The following USP33 variants were observed in gnomAD, a reference collection of about 807,000 sequenced individuals.
USP33 encodes the protein ubiquitin specific peptidase 33.
A neutral mutation model predicts 124.2 loss-of-function variants in USP33; 46 were observed. The ratio of observed to expected loss-of-function variants is 0.37; its 90% CI spans 0.29 to 0.47. The LOEUF is 0.47. USP33 is among the 20% of genes least tolerant of loss of function. The pLI, the probability that USP33 is intolerant of heterozygous loss-of-function variation, is 0.99. For synonymous variants in USP33, 350 were observed against 352.3 expected (o/e 0.99, Z 0.07); for missense variants, 851 against 1,070.6 (o/e 0.79, Z 2.86).
chr1:77,724,344 T>C (rs1240770256), intron 11 of USP33, among the ~76,000 whole-genome samples: 1 of 152,228 alleles, frequency 6.6e-6, no homozygotes, highest in Non-Finnish European at 1.5e-5. Context: ...TATAAATACA[T>C]CCAACCTTAT....
intron 6 of USP33, among the ~76,000 whole-genome samples, 170 bp from the exon 7 acceptor site, chr1:77,734,586 T>G (rs1257221295): frequency 1.3e-5 from 2 of 152,152 alleles, no homozygotes; most frequent in Non-Finnish European, 2.9e-5. Context: ...TCACCAAAAT[T>G]TTGAGTTTTA....
rs1676632002 is a variant in USP33 at position 77,722,132 on chromosome 1, G to A, written c.1454C>T (p.Ala485Val). 8 of 1,614,038 alleles carry A rather than the reference G, an allele frequency of 5.0e-6. No homozygotes were observed. Among genetic ancestry groups the A allele is most frequent in the Non-Finnish European group, 6.8e-6 (8 of 1,179,932 alleles). The change falls in exon 13 of 24, where the codon GCT becomes GTT. Residue 485 changes from alanine to valine, a missense_variant. This residue lies in a region of USP33 where 281 missense variants were observed against 425.0 expected (regional missense o/e 0.66). Coordinates refer to ENST00000370794, the MANE Select transcript of USP33 (RefSeq NM_201624.3). Reference sequence around the variant, plus strand: ...TGGATGACTTGATGAATGCAGCTTAGCAAGGTCTTCCTTGCCAGGAATTGG... The same window carrying A: ...TGGATGACTTGATGAATGCAGCTTAACAAGGTCTTCCTTGCCAGGAATTGG... Reference protein sequence around the residue: ...SLPIPGKEDLAKLHSSSHPTS... With the variant: ...SLPIPGKEDLVKLHSSSHPTS...
intron 7 of USP33, 77 bp from the exon 8 acceptor site, chr1:77,730,808 C>T: frequency 1.1e-6 from 1 of 897,092 alleles, no homozygotes; most frequent in Middle Eastern, 2.4e-4. Flanking sequence ...AATTAACTGA[C>T]AACACATACA....
intron 1 of USP33, among the ~76,000 whole-genome samples, chr1:77,753,620 G>C (rs954813385): frequency 6.6e-6 from 1 of 151,810 alleles, no homozygotes; most frequent in African/African-American, 2.4e-5. Flanking sequence ...TTTGAAAACT[G>C]TATCTTATAA....
rs114060151 is a variant in USP33, at chr1:77,709,300, G to A, written c.2406+2447C>T. Reference sequence around the variant, plus strand: ...GAGGCAGGAAAATCACTTGAGGCCAGGAATTAGAGACCAGCCTGAGCAAGA... The same window carrying A: ...GAGGCAGGAAAATCACTTGAGGCCAAGAATTAGAGACCAGCCTGAGCAAGA... On this transcript the variant is annotated intron_variant, in intron 21 of 23. Coordinates refer to ENST00000370794, the MANE Select transcript of USP33 (RefSeq NM_201624.3). Among the ~76,000 whole-genome samples the A allele has an allele frequency of 5.4e-3, 815 of 152,216 alleles. 10 individuals carry two copies. The highest frequency in any genetic ancestry group is 0.018 in the African/African-American group (757 of 41,514).
At chr1:77,747,609 TTATTAACTTTC>T (rs1679875313) in intron 1 of USP33, among the ~76,000 whole-genome samples, 1 of 152,206 alleles carries the variant, frequency 6.6e-6, no homozygotes. Context: ...GCCAATACTG[TTATTAACTTTC>T]TTATGGTATC....
chr1:77,735,619 C>T (rs914011430), intron 6 of USP33, among the ~76,000 whole-genome samples: 1 of 152,048 alleles, frequency 6.6e-6, no homozygotes, highest in Non-Finnish European at 1.5e-5. Flanking sequence ...AACAGTGGGC[C>T]TAAAAGAATA....
chr1:77,709,857 T>C (rs747443994), intron 21 of USP33, among the ~76,000 whole-genome samples: 2 of 148,862 alleles, frequency 1.3e-5, no homozygotes, highest in Non-Finnish European at 3.0e-5. Context: ...TTAAGAAATA[T>C]CAAGTTTCTA....
chr1:77,746,625 C>T (rs1391478884), intron 1 of USP33: 1 of 152,128 alleles, frequency 6.6e-6, no homozygotes, highest in Non-Finnish European at 1.5e-5. Context: ...ATGCAAAAAT[C>T]CTCAATAAAA....
chr1:77,715,684 C>A, intron 18 of USP33, 58 bp downstream of exon 18: 2 of 1,578,664 alleles, frequency 1.3e-6, no homozygotes, highest in South Asian at 1.2e-5. Context: ...TCTTAGAAGT[C>A]ACTGATAAGC....
At chr1:77,754,057 T>C (rs1680585037) in intron 1 of USP33, among the ~76,000 whole-genome samples, 1 of 152,130 alleles carries the variant, frequency 6.6e-6, no homozygotes, top group South Asian at 2.1e-4. Context: ...GCATATTCAA[T>C]CAACGGTGAA....
At chr1:77,754,605 C>A (rs566400833) in intron 1 of USP33, among the ~76,000 whole-genome samples, 15 of 152,320 alleles carry the variant, frequency 9.8e-5, no homozygotes, top group African/African-American at 3.6e-4. Context: ...GAAGATCCCA[C>A]AAAGTCCTAT....
chr1:77,697,533 G>A lies in USP33; in HGVS notation c.2579-59C>T, dbSNP rs144142740. ...ACCTATATATTCATATTGCAAAAGCGTTCATAATGTACCCCCCAGCATGAA... is the reference window on the plus strand; with the variant it reads ...ACCTATATATTCATATTGCAAAAGCATTCATAATGTACCCCCCAGCATGAA... On this transcript the variant is annotated intron_variant, in intron 23 of 23. Coordinates refer to ENST00000370794, the MANE Select transcript of USP33 (RefSeq NM_201624.3). 2.4e-4 allele frequency: 367 copies of A among 1,510,584 alleles called. No homozygotes were observed. In the African/African-American group the frequency reaches 3.9e-3, roughly 16 times the overall value. 93.6% of individuals were successfully genotyped at this position (1,510,584 alleles called of 1,614,324 possible).
intron 6 of USP33, among the ~76,000 whole-genome samples, chr1:77,735,843 A>C (rs996020204): frequency 1.3e-5 from 2 of 152,244 alleles, no homozygotes; most frequent in Non-Finnish European, 2.9e-5. Flanking sequence ...CTCAACTGCA[A>C]AAGAGTAAGT....
At chr1:77,732,395 C>T (rs1677925673) in intron 7 of USP33, among the ~76,000 whole-genome samples, 1 of 152,136 alleles carries the variant, frequency 6.6e-6, no homozygotes, top group African/African-American at 2.4e-5. Context: ...ACCACTACTT[C>T]TTGCCTAAAT....
At chr1:77,721,803 A>G (rs200015360) in intron 14 of USP33, 28 bp downstream of exon 14, 1 of 1,578,260 alleles carries the variant, frequency 6.3e-7, no homozygotes, top group African/African-American at 1.4e-5. Flanking sequence ...ACCTACAAAA[A>G]TTTAGCCATA....
At position 77,741,433 on chromosome 1, in the gene USP33, TA is replaced by T; in HGVS notation, c.82-5del. ...CTTTACAATCCTGACAAGTACCCTA[TA>T]AAAAGAAATTAAAAAGACAACATTG... On this transcript the variant is annotated splice_polypyrimidine_tract_variant and splice_region_variant and intron_variant, in intron 2 of 23. Coordinates refer to ENST00000370794, the MANE Select transcript of USP33 (RefSeq NM_201624.3). 1 of 1,605,860 alleles carries T rather than the reference TA, an allele frequency of 6.2e-7. No homozygotes were observed. The highest frequency in any genetic ancestry group is 8.5e-7 in the Non-Finnish European group (1 of 1,178,036).
intron 7 of USP33, among the ~76,000 whole-genome samples, chr1:77,733,552 G>C (rs527811717): frequency 2.6e-4 from 39 of 152,232 alleles, no homozygotes; most frequent in African/African-American, 8.7e-4. Flanking sequence ...TAGATTATTT[G>C]GGGAAGAAGT....
At chr1:77,700,929 C>T (rs377218964) in intron 22 of USP33, among the ~76,000 whole-genome samples, 11 of 152,100 alleles carry the variant, frequency 7.2e-5, no homozygotes, top group South Asian at 2.1e-4. Flanking sequence ...GAACTCCTGA[C>T]GTCAGGTGAT....
Sources: allele counts gnomAD v4.1 joint callset (sites outside exome capture counted in the v4.1 genomes callset), GRCh38; gene constraint gnomAD v4.1.1; regional missense constraint gnomAD v4.1.1; transcripts MANE v1.5; gene names NCBI Gene and HGNC (gene_info 2026-07-23, HGNC 2026-07-21).